Variants in VSTM2L observed in about 807,000 individuals in gnomAD.
VSTM2L encodes V-set and transmembrane domain containing 2 like.
Under a neutral mutation model 19.9 loss-of-function variants are expected in VSTM2L, and 9 were observed. The ratio of observed to expected loss-of-function variants is 0.45; its 90% CI spans 0.27 to 0.79. VSTM2L has a LOEUF of 0.79. Among genes scored for constraint, VSTM2L ranks in the 30% least tolerant of loss-of-function variants. The pLI is 0.15. For missense variants in VSTM2L, 286 were observed against 295.5 expected (o/e 0.97, Z 0.24); for synonymous variants, 127 against 133.8 (o/e 0.95, Z 0.35).
chr20:37,908,792 G>A (rs2072764349), intron 1 of VSTM2L, among the ~76,000 whole-genome samples: 1 of 152,236 alleles, frequency 6.6e-6, no homozygotes, highest in African/African-American at 2.4e-5. Context: ...GACAAAGTGA[G>A]ACCCTGTCTC....
intron 1 of VSTM2L, among the ~76,000 whole-genome samples, chr20:37,910,063 C>T (rs924432588): frequency 2.0e-5 from 3 of 152,218 alleles, no homozygotes; most frequent in Non-Finnish European, 2.9e-5. Flanking sequence ...CTTCAAAACC[C>T]CCCAGGGCCC....
intron 2 of VSTM2L, among the ~76,000 whole-genome samples, chr20:37,932,298 G>A (rs997910810): frequency 1.3e-5 from 2 of 152,128 alleles, no homozygotes; most frequent in Non-Finnish European, 2.9e-5. Context: ...CCCTCTACAC[G>A]TGCATGCTCG....
At chr20:37,905,323 G>C (rs916270669) in intron 1 of VSTM2L, among the ~76,000 whole-genome samples, 2 of 152,108 alleles carry the variant, frequency 1.3e-5, no homozygotes, top group Admixed American at 1.3e-4. Context: ...TCTGTCCCTA[G>C]AGCACCAGAC....
At position 37,944,347 on chromosome 20, in the gene VSTM2L, C is replaced by G. The variant is rs986500110; in HGVS notation, c.*94C>G. 5 of 1,309,330 alleles carry G rather than the reference C, an allele frequency of 3.8e-6. No homozygotes were observed. Among genetic ancestry groups the G allele is most frequent in the Non-Finnish European group, 5.0e-6 (5 of 1,007,984 alleles). 81.1% of individuals were successfully genotyped at this position (1,309,330 alleles called of 1,614,324 possible). A position where few individuals can be genotyped will look rare whatever the true frequency, so the allele number is the denominator to read the frequency against. On this transcript the variant is annotated 3_prime_UTR_variant, in exon 4 of 4. Coordinates refer to ENST00000373461, the MANE Select transcript of VSTM2L (RefSeq NM_080607.3). ...CGGGGACCGACTGCCTGCGTCCAGC[C>G]GCGCCCCATCCCCGAGGCCGCCTGT...
chr20:37,928,221 G>A (rs2072889159), intron 1 of VSTM2L, among the ~76,000 whole-genome samples: 1 of 152,218 alleles, frequency 6.6e-6, no homozygotes, highest in South Asian at 2.1e-4. Flanking sequence ...CAGGAGGGAT[G>A]TGAATCAAGG....
chr20:37,912,182 G>A (rs560418253), intron 1 of VSTM2L, among the ~76,000 whole-genome samples: 3 of 152,360 alleles, frequency 2.0e-5, no homozygotes, highest in East Asian at 1.9e-4. Context: ...CCGGGCTTGA[G>A]CCCAGCTTGT....
At chr20:37,936,937 T>G (rs981100492) in intron 3 of VSTM2L, among the ~76,000 whole-genome samples, 2 of 150,512 alleles carry the variant, frequency 1.3e-5, no homozygotes, top group African/African-American at 2.4e-5. Flanking sequence ...AAAAAAAAAA[T>G]CAGATGCTGG....
intron 2 of VSTM2L, among the ~76,000 whole-genome samples, chr20:37,933,113 G>T (rs141897956): frequency 9.2e-4 from 140 of 152,298 alleles, no homozygotes; most frequent in African/African-American, 3.2e-3. Flanking sequence ...ATGTGGGCAG[G>T]GTTCCCACAG....
rs2073000965 is a variant in VSTM2L, at chr20:37,945,078, C to T, written c.*825C>T. On this transcript the variant is annotated 3_prime_UTR_variant, in exon 4 of 4. Coordinates refer to ENST00000373461, the MANE Select transcript of VSTM2L (RefSeq NM_080607.3). Reference sequence around the variant, plus strand: ...TCTTGGGTCCTGTGCCAAGTCCGCCCCAGGGCCTGGGGCTGTTGGGAGCCA... The same window carrying T: ...TCTTGGGTCCTGTGCCAAGTCCGCCTCAGGGCCTGGGGCTGTTGGGAGCCA... 1 of 985,838 alleles carries T rather than the reference C, an allele frequency of 1.0e-6. No homozygotes were observed. Among genetic ancestry groups the T allele is most frequent in the South Asian group, 4.7e-5 (1 of 21,290 alleles). 61.1% of individuals were successfully genotyped at this position (985,838 alleles called of 1,614,324 possible).
chr20:37,925,803 C>T (rs1452045699), intron 1 of VSTM2L, among the ~76,000 whole-genome samples: 3 of 152,162 alleles, frequency 2.0e-5, no homozygotes, highest in African/African-American at 4.8e-5. Context: ...ACAGCTAACT[C>T]GCTTGGCTCC....
intron 3 of VSTM2L, among the ~76,000 whole-genome samples, chr20:37,936,025 T>A (rs2072937826): frequency 6.6e-6 from 1 of 151,146 alleles, no homozygotes; most frequent in South Asian, 2.1e-4. Context: ...GCTGGGAATA[T>A]AGGAACAGGC....
chr20:37,912,005 A>G (rs2072782485), intron 1 of VSTM2L, among the ~76,000 whole-genome samples: 1 of 152,186 alleles, frequency 6.6e-6, no homozygotes, highest in South Asian at 2.1e-4. Flanking sequence ...TCTGCGGACC[A>G]AACAGCAGCC....
chr20:37,919,586 C>T (rs1049036748), intron 1 of VSTM2L, among the ~76,000 whole-genome samples: 2 of 152,356 alleles, frequency 1.3e-5, no homozygotes, highest in South Asian at 2.1e-4. Context: ...GCCCTTTCCC[C>T]GGGAGAGCTC....
At position 37,944,063 on chromosome 20, in the gene VSTM2L, GC is replaced by G. The variant is rs1290951593; in HGVS notation, c.427del (p.Arg143AlafsTer50). 6.2e-7 allele frequency: 1 copy of G among 1,612,632 alleles called. No homozygotes were observed. Among genetic ancestry groups the G allele is most frequent in the South Asian group, 1.1e-5 (1 of 90,946 alleles). The stretch of plus-strand genomic sequence containing the variant: ...CCCACGGACGAAGGCACCTACGAGT[GC>G]CGCGTCATCGACTTCAGCGACGGCA... Reference protein sequence around the residue: ...VKPTDEGTYECRVIDFSDGKA... With the variant: ...VKPTDEGTYEXRVIDFSDGKA... On this transcript the variant is annotated frameshift_variant, in exon 4 of 4. Transcript: ENST00000373461. LOFTEE classifies it high-confidence loss of function.
intron 3 of VSTM2L, 63 bp from the exon 4 acceptor site, chr20:37,943,918 C>CGGCG: frequency 1.1e-5 from 10 of 871,864 alleles, no homozygotes; most frequent in Non-Finnish European, 1.5e-5. Context: ...ACCCCCCCCC[C>CGGCG]CGACTCTTCT....
intron 1 of VSTM2L, among the ~76,000 whole-genome samples, chr20:37,903,682 CTCGCGCG>C (rs751395462): frequency 1.3e-4 from 20 of 152,214 alleles, no homozygotes; most frequent in Non-Finnish European, 2.6e-4. Flanking sequence ...TCCCCACACA[CTCGCGCG>C]GATACGCACA....
chr20:37,914,113 TTGTG>T (rs148109631), intron 1 of VSTM2L, among the ~76,000 whole-genome samples: 1 of 151,002 alleles, frequency 6.6e-6, no homozygotes, highest in South Asian at 2.1e-4. Context: ...AAAGAGGGAA[TTGTG>T]TGTGTGTGTG....
At chr20:37,930,062 C>G (rs540192149) in intron 1 of VSTM2L, among the ~76,000 whole-genome samples, 1 of 152,232 alleles carries the variant, frequency 6.6e-6, no homozygotes, top group Admixed American at 6.5e-5. Flanking sequence ...GCGGCTGGGA[C>G]TTCCAAGCCT....
Position 37,904,877 on chromosome 20 carries a change from T to C in VSTM2L, c.121+1406T>C, listed in dbSNP as rs183598340. Reference sequence around the variant, plus strand: ...CTCCCCGCCCCCTTCTGCCTCACCATGTTTGGTAGTAACTGCTGTGTGCAT... The same window carrying C: ...CTCCCCGCCCCCTTCTGCCTCACCACGTTTGGTAGTAACTGCTGTGTGCAT... On this transcript the variant is annotated intron_variant, in intron 1 of 3. Transcript: ENST00000373461. Among the ~76,000 whole-genome samples the C allele has an allele frequency of 1.8e-3, 273 of 152,274 alleles. 1 individual carries two copies. The highest frequency in any genetic ancestry group is 6.3e-3 in the African/African-American group (262 of 41,542).
Sources: allele counts gnomAD v4.1 joint callset (sites outside exome capture counted in the v4.1 genomes callset), GRCh38; gene constraint gnomAD v4.1.1; transcripts MANE v1.5; gene names NCBI Gene and HGNC (gene_info 2026-07-23, HGNC 2026-07-21).